Variants in CUL5 observed in about 807,000 individuals in gnomAD.
CUL5 encodes cullin-5.
A neutral mutation model predicts 108.8 loss-of-function variants in CUL5; 26 were observed. That is an observed-to-expected ratio of 0.24 (90% CI 0.18 to 0.33). The LOEUF is 0.33. Ranked by LOEUF, CUL5 falls within the 10% of genes least tolerant of loss-of-function variation. The pLI is 1.00. For synonymous variants in CUL5, 334 were observed against 298.0 expected, an observed-to-expected ratio of 1.12 and a Z score of -1.25; for missense variants, 524 against 909.2, an observed-to-expected ratio of 0.58 and a Z score of 5.45.
chr11:108,076,122 C>G (rs1863935455), intron 10 of CUL5, among the ~76,000 whole-genome samples: 1 of 152,118 alleles, frequency 6.6e-6, no homozygotes, highest in Non-Finnish European at 1.5e-5. Flanking sequence ...GCTTCGACCC[C>G]TCTGGGCTCA....
At chr11:108,041,349 C>T (rs899239514) in intron 2 of CUL5, among the ~76,000 whole-genome samples, 2 of 151,110 alleles carry the variant, frequency 1.3e-5, no homozygotes, top group African/African-American at 4.9e-5. Context: ...ATGATCTCGG[C>T]TCATTGCAAC....
chr11:108,016,176 A>G lies in CUL5; in HGVS notation c.24+6804A>G, dbSNP rs535428223. Among the ~76,000 whole-genome samples, 5 of 152,158 alleles carry G rather than the reference A, an allele frequency of 3.3e-5. No homozygotes were observed. The East Asian group carries it at 9.7e-4, about 29-fold the overall frequency. ...GTGATCTTCCTGCGTAGGCCTCCCA[A>G]AGTGCTGGGATTACAGGAATGAGCA... On this transcript the variant is annotated intron_variant, in intron 1 of 18. Coordinates refer to ENST00000393094, the MANE Select transcript of CUL5 (RefSeq NM_003478.6).
At chr11:108,029,550 A>G (rs2135076327) in intron 1 of CUL5, among the ~76,000 whole-genome samples, 1 of 152,332 alleles carries the variant, frequency 6.6e-6, no homozygotes, top group South Asian at 2.1e-4. Flanking sequence ...TTTCTTATTA[A>G]TAAGGCATTC....
At chr11:108,074,525 GGC>G (rs1863901018) in intron 10 of CUL5, among the ~76,000 whole-genome samples, 1 of 151,778 alleles carries the variant, frequency 6.6e-6, no homozygotes, top group South Asian at 2.1e-4. Context: ...CAAGTAAATA[GGC>G]CAGGTGCAGT....
intron 7 of CUL5, among the ~76,000 whole-genome samples, chr11:108,060,278 T>G (rs1265912421): frequency 2.6e-5 from 4 of 152,132 alleles, no homozygotes; most frequent in African/African-American, 9.7e-5. Context: ...ACAGAAAGAA[T>G]CTTAGTCAAA....
chr11:108,107,516 A>G lies in CUL5; in HGVS notation c.*3132A>G, dbSNP rs778465054. 6 of 152,654 alleles carry G rather than the reference A, an allele frequency of 3.9e-5. No individual in the cohort carries two copies. The highest frequency in any genetic ancestry group is 6.5e-5 in the Admixed American group (1 of 15,272). 9.5% of individuals were successfully genotyped at this position (152,654 alleles called of 1,614,324 possible). A position where few individuals can be genotyped will look rare whatever the true frequency, so the allele number is the denominator to read the frequency against. On this transcript the variant is annotated 3_prime_UTR_variant, in exon 19 of 19. Transcript: ENST00000393094. The stretch of plus-strand genomic sequence containing the variant: ...ACATGAGAGCTTTCCTGTCATCTAC[A>G]CTATATGTTGTCTGGAGTGTTGAAC...
At chr11:108,077,885 G>A (rs779287926) in intron 10 of CUL5, among the ~76,000 whole-genome samples, 1 of 152,028 alleles carries the variant, frequency 6.6e-6, no homozygotes, top group Non-Finnish European at 1.5e-5. Context: ...GGAGGCGGAG[G>A]TTGCAGTGAG....
chr11:108,080,529 G>T (rs1864052987), intron 11 of CUL5, among the ~76,000 whole-genome samples: 1 of 152,126 alleles, frequency 6.6e-6, no homozygotes, highest in East Asian at 1.9e-4. Context: ...CTGAGTAGCT[G>T]GGACTACAGG....
At chr11:108,077,297 G>A (rs1341127761) in intron 10 of CUL5, among the ~76,000 whole-genome samples, 1 of 152,216 alleles carries the variant, frequency 6.6e-6, no homozygotes, top group Non-Finnish European at 1.5e-5. Flanking sequence ...TAATAAATAA[G>A]ATGGAGATAA....
chr11:108,021,813 GTTTA>G (rs66652829), intron 1 of CUL5, among the ~76,000 whole-genome samples: 16,669 of 151,016 alleles, frequency 0.11, 1,065 homozygotes, highest in Non-Finnish European at 0.15. Flanking sequence ...ACACCGCCCA[GTTTA>G]TTTATTTATT....
intron 1 of CUL5, among the ~76,000 whole-genome samples, chr11:108,019,190 C>T (rs1020249413): frequency 3.7e-5 from 1 of 26,688 alleles, no homozygotes; most frequent in African/African-American, 2.1e-4. Context: ...TTTGGTATCC[C>T]GATGGGTGGG....
chr11:108,036,234 A>C (rs1471311981), intron 2 of CUL5, among the ~76,000 whole-genome samples: 2 of 152,220 alleles, frequency 1.3e-5, no homozygotes, highest in Admixed American at 6.5e-5. Flanking sequence ...TAAAAAAGTC[A>C]TAGTAAATAT....
In CUL5 at chr11:108,088,466, G is replaced by C. The variant is rs1042283100; in HGVS notation, c.1179-61G>C. 5 of 1,511,988 alleles carry C rather than the reference G, an allele frequency of 3.3e-6. No individual in the cohort carries two copies. The African/African-American group carries it at 7.0e-5, about 21-fold the overall frequency. 93.7% of individuals were successfully genotyped at this position (1,511,988 alleles called of 1,614,324 possible). Reference sequence around the variant, plus strand: ...ATTCGCTTGTGAATCATTGACTTTAGAAAAAAATAATTGCAAACATTAATC... The same window carrying C: ...ATTCGCTTGTGAATCATTGACTTTACAAAAAAATAATTGCAAACATTAATC... On this transcript the variant is annotated intron_variant, in intron 11 of 18. Transcript: ENST00000393094.
chr11:108,092,572 T>G (rs770077788), intron 13 of CUL5, among the ~76,000 whole-genome samples: 3 of 152,192 alleles, frequency 2.0e-5, no homozygotes, highest in Non-Finnish European at 2.9e-5. Context: ...GAAAACATAA[T>G]GCTGAGTGAA....
intron 3 of CUL5, among the ~76,000 whole-genome samples, chr11:108,046,711 C>T (rs754848221): frequency 5.3e-5 from 8 of 152,100 alleles, no homozygotes; most frequent in Non-Finnish European, 1.2e-4. Flanking sequence ...TACCTCTTCT[C>T]AAGTTGACAG....
intron 2 of CUL5, among the ~76,000 whole-genome samples, chr11:108,037,224 G>A (rs1862769738): frequency 6.6e-6 from 1 of 152,072 alleles, no homozygotes; most frequent in South Asian, 2.1e-4. Flanking sequence ...AATTTTCCTG[G>A]TTTAGAGCTA....
At chr11:108,051,685 A>G (rs2135132465) in intron 4 of CUL5, among the ~76,000 whole-genome samples, 1 of 152,292 alleles carries the variant, frequency 6.6e-6, no homozygotes, top group South Asian at 2.1e-4. Context: ...AGATTTGCAG[A>G]CCTTTTATAA....
At chr11:108,045,808 C>T (rs1025081834) in intron 2 of CUL5, among the ~76,000 whole-genome samples, 4 of 151,922 alleles carry the variant, frequency 2.6e-5, no homozygotes, top group South Asian at 2.1e-4. Flanking sequence ...TGCAGTGAGC[C>T]GTGATTGTGC....
intron 5 of CUL5, among the ~76,000 whole-genome samples, chr11:108,054,361 T>G (rs542898224): frequency 6.6e-6 from 1 of 152,354 alleles, no homozygotes; most frequent in East Asian, 1.9e-4. Context: ...TCAGTTTAAA[T>G]CCCATTGCTT....
Sources: allele counts gnomAD v4.1 joint callset (sites outside exome capture counted in the v4.1 genomes callset), GRCh38; gene constraint gnomAD v4.1.1; transcripts MANE v1.5; gene names NCBI Gene and HGNC (gene_info 2026-07-23, HGNC 2026-07-21).